ANO10: variants seen among roughly 807,000 people sequenced by gnomAD.
The protein encoded by ANO10 is anoctamin-10.
A neutral mutation model predicts 74.7 loss-of-function variants in ANO10; 77 were observed. The ratio of observed to expected loss-of-function variants is 1.03; its 90% CI spans 0.86 to 1.25. The LOEUF is 1.25. Ranked by LOEUF, ANO10 falls within the 50% of genes most tolerant of loss-of-function variation. The pLI is 0.00. For missense variants in ANO10, 721 were observed against 778.1 expected (o/e 0.93, Z 0.87); for synonymous variants, 279 against 284.9 (o/e 0.98, Z 0.21).
intron 1 of ANO10, among the ~76,000 whole-genome samples, chr3:43,659,299 T>C (rs1485952370): frequency 6.6e-6 from 1 of 152,092 alleles, no homozygotes; most frequent in African/African-American, 2.4e-5. Context: ...TTCCCTTTCC[T>C]AGCCAAGGGA....
At chr3:43,494,623 T>C (rs1483850296) in intron 11 of ANO10, among the ~76,000 whole-genome samples, 1 of 152,192 alleles carries the variant, frequency 6.6e-6, no homozygotes, top group Non-Finnish European at 1.5e-5. Flanking sequence ...CAAAAGCTCT[T>C]CTTTATAGCA....
At chr3:43,515,680 G>A (rs566433913) in intron 11 of ANO10, among the ~76,000 whole-genome samples, 5 of 152,322 alleles carry the variant, frequency 3.3e-5, no homozygotes, top group African/African-American at 1.2e-4. Context: ...CATCACTGGT[G>A]ATAGAGAAAA....
chr3:43,438,532 G>T (rs973272853), intron 11 of ANO10, among the ~76,000 whole-genome samples: 6 of 152,068 alleles, frequency 3.9e-5, no homozygotes, highest in Middle Eastern at 3.4e-3. Context: ...ATCACCTGAG[G>T]TTAGGAGTTC....
chr3:43,486,640 T>C (rs1414078632), intron 11 of ANO10, among the ~76,000 whole-genome samples: 1 of 144,480 alleles, frequency 6.9e-6, no homozygotes, highest in South Asian at 2.3e-4. Flanking sequence ...TTGTGATTTT[T>C]GTACATTGAT....
chr3:43,462,645 G>T (rs2075430408), intron 11 of ANO10, among the ~76,000 whole-genome samples: 1 of 152,248 alleles, frequency 6.6e-6, no homozygotes, highest in Non-Finnish European at 1.5e-5. Flanking sequence ...GCCAGCTACA[G>T]AAATTTGCAT....
At chr3:43,679,673 A>G (rs1487592042) in intron 1 of ANO10, among the ~76,000 whole-genome samples, 1 of 152,218 alleles carries the variant, frequency 6.6e-6, no homozygotes, top group African/African-American at 2.4e-5. Context: ...CGAGTAGCCT[A>G]ACTGGGAGGC....
intron 12 of ANO10, among the ~76,000 whole-genome samples, chr3:43,426,541 C>T (rs534386864): frequency 2.2e-5 from 2 of 92,322 alleles, no homozygotes; most frequent in Non-Finnish European, 4.5e-5. Context: ...TCTAGGCAGC[C>T]AGCCCTGCTC....
chr3:43,390,740 C>A (rs2125715797), intron 12 of ANO10, among the ~76,000 whole-genome samples: 1 of 152,278 alleles, frequency 6.6e-6, no homozygotes, highest in Non-Finnish European at 1.5e-5. Context: ...CTCTTCTGCC[C>A]TTGGCTTCAA....
At position 43,500,890 on chromosome 3, in the gene ANO10, T is replaced by TCAACAA. The variant is rs150034760; in HGVS notation, c.1797+48824_1797+48829dup. The stretch of plus-strand genomic sequence containing the variant: ...CCTATAGCTCAACCTAGAATGGTGA[T>TCAACAA]CAACAACAACAACAACAAAAACGGA... On this transcript the variant is annotated intron_variant, in intron 11 of 12. Coordinates refer to ENST00000292246, the MANE Select transcript of ANO10 (RefSeq NM_018075.5). Among the ~76,000 whole-genome samples, 15 of 152,176 alleles carry TCAACAA rather than the reference T, an allele frequency of 9.9e-5. No individual in the cohort carries two copies. The South Asian group carries it at 1.2e-3, about 13-fold the overall frequency.
intron 1 of ANO10, among the ~76,000 whole-genome samples, chr3:43,653,209 CA>C (rs1278149091): frequency 6.7e-6 from 1 of 149,030 alleles, no homozygotes; most frequent in East Asian, 2.0e-4. Context: ...GACTCCGTCT[CA>C]AAAAGAAAAA....
At chr3:43,455,279 T>G (rs945932768) in intron 11 of ANO10, among the ~76,000 whole-genome samples, 1 of 152,014 alleles carries the variant, frequency 6.6e-6, no homozygotes, top group African/African-American at 2.4e-5. Context: ...GAAATACACA[T>G]GCATGCCAAG....
chr3:43,567,720 T>G (rs1258697042), intron 7 of ANO10, among the ~76,000 whole-genome samples: 1 of 151,926 alleles, frequency 6.6e-6, no homozygotes, highest in Non-Finnish European at 1.5e-5. Context: ...TACCAGCCAC[T>G]GCAAAATCAT....
chr3:43,618,994 C>T (rs2083259019), intron 1 of ANO10, among the ~76,000 whole-genome samples: 1 of 152,020 alleles, frequency 6.6e-6, no homozygotes, highest in South Asian at 2.1e-4. Context: ...TTAGTGGAGA[C>T]GGGGTTTCAC....
chr3:43,669,099 T>G (rs571872521), intron 1 of ANO10, among the ~76,000 whole-genome samples: 11 of 152,224 alleles, frequency 7.2e-5, no homozygotes, highest in Admixed American at 2.0e-4. Flanking sequence ...CCAGTGCTTC[T>G]CAGTTTTTTT....
intron 12 of ANO10, among the ~76,000 whole-genome samples, chr3:43,380,836 C>A (rs1033839331): frequency 6.6e-6 from 1 of 152,158 alleles, no homozygotes; most frequent in Non-Finnish European, 1.5e-5. Context: ...AATAGTACCT[C>A]ACATCTCAAT....
chr3:43,547,331 C>T (rs982402302), intron 11 of ANO10, among the ~76,000 whole-genome samples: 1 of 152,154 alleles, frequency 6.6e-6, no homozygotes, highest in African/African-American at 2.4e-5. Flanking sequence ...GCATTTGTTT[C>T]TCAGGGTTGC....
At chr3:43,429,280 C>T (rs1412554166) in intron 12 of ANO10, among the ~76,000 whole-genome samples, 2 of 152,080 alleles carry the variant, frequency 1.3e-5, no homozygotes, top group Non-Finnish European at 2.9e-5. Context: ...ATTTCATTCT[C>T]TCAAGAAGAA....
chr3:43,671,964 A>G (rs2084064613), intron 1 of ANO10, among the ~76,000 whole-genome samples: 1 of 152,200 alleles, frequency 6.6e-6, no homozygotes, highest in African/African-American at 2.4e-5. Flanking sequence ...AAGTCTTTAT[A>G]AACTAATTTG....
chr3:43,668,946 T>C (rs964155915), intron 1 of ANO10, among the ~76,000 whole-genome samples: 18 of 152,206 alleles, frequency 1.2e-4, no homozygotes, highest in Non-Finnish European at 2.6e-4. Flanking sequence ...TCTAAGCATA[T>C]CAATTGTACT....
Sources: allele counts gnomAD v4.1 joint callset (sites outside exome capture counted in the v4.1 genomes callset), GRCh38; gene constraint gnomAD v4.1.1; transcripts MANE v1.5; gene names NCBI Gene and HGNC (gene_info 2026-07-23, HGNC 2026-07-21).